Variants in SLC45A4 observed in about 807,000 individuals in gnomAD.
SLC45A4 encodes the protein solute carrier family 45 member 4.
SLC45A4 carries 32 observed loss-of-function variants against 63.7 expected under a neutral mutation model. That is an observed-to-expected ratio of 0.50 (90% CI 0.38 to 0.67). SLC45A4 has a LOEUF of 0.67. Ranked by LOEUF, SLC45A4 falls within the 30% of genes least tolerant of loss-of-function variation. The pLI, the probability that SLC45A4 is intolerant of heterozygous loss-of-function variation, is 0.00. For missense variants in SLC45A4, 1,027 were observed against 1,157.7 expected (o/e 0.89, Z 1.64); for synonymous variants, 535 against 510.0 (o/e 1.05, Z -0.66).
chr8:141,268,586 G>C (rs933268808), intron 1 of SLC45A4, among the ~76,000 whole-genome samples: 1 of 152,192 alleles, frequency 6.6e-6, no homozygotes, highest in Non-Finnish European at 1.5e-5. Context: ...TCTCAATTTT[G>C]TTGTGAACCT....
chr8:141,238,233 A>C (rs777208193), intron 2 of SLC45A4, among the ~76,000 whole-genome samples: 8 of 152,212 alleles, frequency 5.3e-5, no homozygotes, highest in Non-Finnish European at 1.0e-4. Flanking sequence ...GTCACCATCA[A>C]GCTATAAGTC....
intron 5 of SLC45A4, 123 bp downstream of exon 5, chr8:141,217,888 A>G (rs1046711168): frequency 5.1e-5 from 62 of 1,209,526 alleles, no homozygotes; most frequent in Non-Finnish European, 3.4e-5. Context: ...CACGGGAGGC[A>G]CTGTGTGGCC....
intron 2 of SLC45A4, among the ~76,000 whole-genome samples, chr8:141,243,178 C>T (rs1226272618): frequency 6.6e-6 from 1 of 152,230 alleles, no homozygotes; most frequent in East Asian, 1.9e-4. Context: ...AGGGGGACCC[C>T]ATGTCTGCCT....
At chr8:141,248,386 A>G (rs1004173505) in intron 2 of SLC45A4, among the ~76,000 whole-genome samples, 3 of 152,114 alleles carry the variant, frequency 2.0e-5, no homozygotes, top group Non-Finnish European at 4.4e-5. Context: ...AGGGCAACAT[A>G]GTGAGACTCC....
At position 141,221,707 on chromosome 8, in the gene SLC45A4, G is replaced by C; in HGVS notation, c.300C>G (p.Ile100Met). 4.3e-6 allele frequency: 7 copies of C among 1,614,104 alleles called. No homozygotes were observed. The East Asian group carries it at 1.6e-4, about 36-fold the overall frequency. The part of the protein sequence containing the change: ...TWFLSPILGL[I>M]FTPLIGSASD... ...TCGCAGACCCAATGAGAGGTGTGAA[G>C]ATGAGGCCAAGGATGGGGCTCAGGA... Residue 100 changes from isoleucine to methionine, a missense_variant, in exon 3 of 9, where the codon ATC becomes ATG. Coordinates refer to ENST00000517878, the MANE Select transcript of SLC45A4 (RefSeq NM_001286646.2).
chr8:141,233,801 G>A (rs191643168), intron 2 of SLC45A4, among the ~76,000 whole-genome samples: 197 of 152,144 alleles, frequency 1.3e-3, no homozygotes, highest in African/African-American at 4.6e-3. Context: ...CGTGGCACCC[G>A]TTTTGCTGTG....
intron 2 of SLC45A4, chr8:141,253,435 T>C (rs373871291): frequency 4.3e-4 from 86 of 199,966 alleles, no homozygotes; most frequent in African/African-American, 2.0e-3. Flanking sequence ...ACAATAACCT[T>C]GGATTCAAGT....
rs145558753 is a variant in SLC45A4, at chr8:141,260,745, C to T, written c.-400-6116G>A. On this transcript the variant is annotated intron_variant, in intron 1 of 8. Transcript: ENST00000517878. ...GTGGCAATAATCAATAGCTTACCAA[C>T]CAAAAAAAGTCCAGGACCAGATGGA... Among the ~76,000 whole-genome samples the T allele has an allele frequency of 4.7e-3, 720 of 152,180 alleles. 5 individuals carry two copies. The highest frequency in any genetic ancestry group is 8.1e-3 in the Non-Finnish European group (553 of 67,996).
intron 1 of SLC45A4, among the ~76,000 whole-genome samples, chr8:141,268,283 G>C (rs886695940): frequency 2.0e-5 from 3 of 152,352 alleles, no homozygotes; most frequent in African/African-American, 7.2e-5. Context: ...CACAGTAAAA[G>C]AAGCAGCGGT....
intron 5 of SLC45A4, 57 bp from the exon 6 acceptor site, chr8:141,217,246 G>T: frequency 6.4e-7 from 1 of 1,563,194 alleles, no homozygotes; most frequent in East Asian, 2.2e-5. Context: ...CTCCAGGCCA[G>T]GAGCGTATTT....
chr8:141,251,107 G>A (rs533818852), intron 2 of SLC45A4, among the ~76,000 whole-genome samples: 5 of 152,252 alleles, frequency 3.3e-5, no homozygotes, highest in South Asian at 4.2e-4. Flanking sequence ...ACCACAACTC[G>A]TTGTCCAGAA....
intron 2 of SLC45A4, among the ~76,000 whole-genome samples, chr8:141,232,391 T>C (rs564931773): frequency 6.6e-6 from 1 of 152,358 alleles, no homozygotes; most frequent in East Asian, 1.9e-4. Context: ...CACCCTTATA[T>C]ACTGCTGTTT....
At chr8:141,273,540 G>A (rs1486646667) in intron 1 of SLC45A4, among the ~76,000 whole-genome samples, 2 of 152,098 alleles carry the variant, frequency 1.3e-5, no homozygotes, top group African/African-American at 2.4e-5. Context: ...GGCAGGTCGC[G>A]TGTTCCTGAC....
intron 1 of SLC45A4, among the ~76,000 whole-genome samples, chr8:141,292,248 C>T (rs960947922): frequency 6.6e-6 from 1 of 152,230 alleles, no homozygotes; most frequent in Non-Finnish European, 1.5e-5. Context: ...GACCAGGGCA[C>T]GCGGCATTCT....
In SLC45A4 at chr8:141,207,840, G is replaced by C. The variant is rs1260570323; in HGVS notation, c.*3732C>G. On this transcript the variant is annotated 3_prime_UTR_variant, in exon 9 of 9. Coordinates refer to ENST00000517878, the MANE Select transcript of SLC45A4 (RefSeq NM_001286646.2). ...TGCATGAGGAGGTGACAAGAACTTT[G>C]GGCTGGGCCCCCAACATGCTGTGTG... The C allele has an allele frequency of 6.6e-6, 1 of 152,376 alleles. No homozygotes were observed. Among genetic ancestry groups the C allele is most frequent in the Non-Finnish European group, 1.5e-5 (1 of 68,176 alleles). 9.4% of individuals were successfully genotyped at this position (152,376 alleles called of 1,614,324 possible).
At chr8:141,236,452 A>G (rs1827629203) in intron 2 of SLC45A4, among the ~76,000 whole-genome samples, 1 of 152,252 alleles carries the variant, frequency 6.6e-6, no homozygotes, top group Admixed American at 6.5e-5. Context: ...AATAGTTCAC[A>G]AGCTAGAAAA....
chr8:141,229,979 G>A lies in SLC45A4; in HGVS notation c.242-8214C>T, dbSNP rs1827255776. 8.9e-6 allele frequency: 4 copies of A among 447,650 alleles called. No individual in the cohort carries two copies. Among genetic ancestry groups the A allele is most frequent in the South Asian group, 4.7e-5 (3 of 63,414 alleles). 27.7% of individuals were successfully genotyped at this position (447,650 alleles called of 1,614,324 possible). ...CTGCCTGCACTCCCGAGGCCGTGGT[G>A]CTCTGATGACATCCATGGGCAGTGA... On this transcript the variant is annotated intron_variant, in intron 2 of 8. Transcript: ENST00000517878. The surrounding 1 kb of genome is among the most constrained non-coding windows in gnomAD (Gnocchi z 5.0).
At chr8:141,299,853 C>A (rs897579465) in intron 1 of SLC45A4, among the ~76,000 whole-genome samples, 2 of 152,132 alleles carry the variant, frequency 1.3e-5, no homozygotes, top group African/African-American at 2.4e-5. Flanking sequence ...CAAAATACCA[C>A]GAAAATATAA....
chr8:141,300,351 G>C (rs928302890), intron 1 of SLC45A4, among the ~76,000 whole-genome samples: 1 of 152,222 alleles, frequency 6.6e-6, no homozygotes, highest in Non-Finnish European at 1.5e-5. Context: ...GAGTGGGATG[G>C]GAAGTGGTGG....
Sources: allele counts gnomAD v4.1 joint callset (sites outside exome capture counted in the v4.1 genomes callset), GRCh38; gene constraint gnomAD v4.1.1; non-coding constraint Gnocchi (gnomAD v3.1); transcripts MANE v1.5; gene names NCBI Gene and HGNC (gene_info 2026-07-23, HGNC 2026-07-21).